Variants in RBFOX1 observed in about 807,000 individuals in gnomAD.
RBFOX1 encodes the protein RNA binding fox-1 homolog 1.
RBFOX1 carries 8 observed loss-of-function variants against 57.7 expected under a neutral mutation model. The ratio of observed to expected loss-of-function variants is 0.14; its 90% CI spans 0.08 to 0.25. The LOEUF (loss-of-function observed/expected upper bound fraction) is 0.25, where lower values mean the gene tolerates loss of function less well. Ranked by LOEUF, RBFOX1 falls within the 10% of genes least tolerant of loss-of-function variation. The pLI is 1.00. For synonymous variants in RBFOX1, 326 were observed against 222.4 expected, an observed-to-expected ratio of 1.47 and a Z score of -4.15; for missense variants, 611 against 548.5, an observed-to-expected ratio of 1.11 and a Z score of -1.14.
chr16:5,740,594 C>T (rs1486015123), intron 3 of RBFOX1, among the ~76,000 whole-genome samples: 1 of 152,130 alleles, frequency 6.6e-6, no homozygotes. Flanking sequence ...ACTGAAATAT[C>T]CAGGAGAAGC....
intron 5 of RBFOX1, among the ~76,000 whole-genome samples, chr16:7,574,263 G>C (rs7205037): frequency 0.42 from 63,661 of 152,000 alleles, 13,721 homozygotes; most frequent in East Asian, 0.53. Flanking sequence ...AGACTTAAGT[G>C]TTCTCTTTGG....
intron 3 of RBFOX1, among the ~76,000 whole-genome samples, chr16:5,785,258 A>G (rs767920198): frequency 1.6e-4 from 25 of 152,172 alleles, no homozygotes; most frequent in Non-Finnish European, 2.8e-4. Flanking sequence ...TTCAACCTCA[A>G]CTAAGGAACT....
chr16:5,465,067 G>A (rs1253776973), intron 1 of RBFOX1, among the ~76,000 whole-genome samples: 1 of 152,166 alleles, frequency 6.6e-6, no homozygotes, highest in Non-Finnish European at 1.5e-5. Flanking sequence ...ATATCTGCCT[G>A]GGTGTGTGTG....
At chr16:6,274,410 C>T (rs1403093668) in intron 1 of RBFOX1, among the ~76,000 whole-genome samples, 3 of 152,148 alleles carry the variant, frequency 2.0e-5, no homozygotes, top group African/African-American at 7.2e-5. Flanking sequence ...AACAGCCCAA[C>T]AGCCTGAATG....
intron 6 of RBFOX1, among the ~76,000 whole-genome samples, chr16:7,583,381 C>T (rs759833515): frequency 6.6e-5 from 10 of 152,144 alleles, no homozygotes; most frequent in Non-Finnish European, 1.5e-4. Flanking sequence ...CATGCATGAG[C>T]ATGCATTTTC....
In RBFOX1 at chr16:5,946,185, G is replaced by A. The variant is rs2059396575; in HGVS notation, c.351+78850G>A. Among the ~76,000 whole-genome samples the A allele has an allele frequency of 1.3e-5, 2 of 152,174 alleles. No individual in the cohort carries two copies. The highest frequency in any genetic ancestry group is 2.4e-5 in the African/African-American group (1 of 41,424). On this transcript the variant is annotated intron_variant, in intron 4 of 19. Coordinates refer to the RBFOX1 transcript ENST00000641259. This position sits in a 1 kb window ranked among gnomAD's most constrained non-coding sequence, Gnocchi z 4.6. ...GGATGTGATGGAAAGTGCACAGACG[G>A]CCCGAGGTGGGGGCCAGGCTCTGCC...
intron 3 of RBFOX1, among the ~76,000 whole-genome samples, chr16:5,849,021 C>G (rs2056825677): frequency 6.6e-6 from 1 of 151,618 alleles, no homozygotes; most frequent in Non-Finnish European, 1.5e-5. Context: ...AGGACAGGAG[C>G]TCCAGATAGA....
At position 5,641,109 on chromosome 16, in the gene RBFOX1, TAC is replaced by T. The variant is rs369940895; in HGVS notation, c.318+42156_318+42157del. ...CATGCACACCATGCATACACATGCATACACACACATGCATACACACATGCACA... is the reference window on the plus strand; with the variant it reads ...CATGCACACCATGCATACACATGCATACACACATGCATACACACATGCACA... On this transcript the variant is annotated intron_variant, in intron 3 of 19. Transcript: ENST00000641259. 6.1e-3 allele frequency among the ~76,000 whole-genome samples: 894 copies of T among 146,362 alleles called. 9 individuals are homozygous for T. Among genetic ancestry groups the T allele is most frequent in the African/African-American group, 0.021 (838 of 39,162 alleles).
At chr16:5,736,283 C>A (rs1350699539) in intron 3 of RBFOX1, among the ~76,000 whole-genome samples, 1 of 152,132 alleles carries the variant, frequency 6.6e-6, no homozygotes, top group Admixed American at 6.5e-5. Flanking sequence ...GGGTATAGGG[C>A]TTTAGAATTC....
chr16:5,429,363 C>A (rs1006591247), intron 1 of RBFOX1, among the ~76,000 whole-genome samples: 1 of 152,210 alleles, frequency 6.6e-6, no homozygotes, highest in Non-Finnish European at 1.5e-5. Flanking sequence ...ATAAACTCTC[C>A]CAGCCGTCAG....
At chr16:7,345,473 T>C (rs2096980364) in intron 4 of RBFOX1, among the ~76,000 whole-genome samples, 1 of 152,206 alleles carries the variant, frequency 6.6e-6, no homozygotes, top group East Asian at 1.9e-4. Context: ...TGGGTTTTGT[T>C]TCACACCTGG....
Position 6,822,672 on chromosome 16 carries a change from C to G in RBFOX1, c.-16+168022C>G, listed in dbSNP as rs112273556. Among the ~76,000 whole-genome samples the G allele has an allele frequency of 5.6e-4, 85 of 152,306 alleles. No homozygotes were observed. The Middle Eastern group carries it at 0.017, about 30-fold the overall frequency. On this transcript the variant is annotated intron_variant, in intron 3 of 15. Transcript: ENST00000550418. Reference sequence around the variant, plus strand: ...ACAACCCCATGCTAATTCACTTTTACACGCTATGGTGTGTTTTTAAAGATC... The same window carrying G: ...ACAACCCCATGCTAATTCACTTTTAGACGCTATGGTGTGTTTTTAAAGATC...
intron 2 of RBFOX1, among the ~76,000 whole-genome samples, chr16:6,421,921 C>CTTTTT (rs35479646): frequency 6.0e-5 from 6 of 99,808 alleles, no homozygotes; most frequent in Admixed American, 1.2e-4. Flanking sequence ...GGGACCAGAC[C>CTTTTT]TTTTTTTTTT....
intron 3 of RBFOX1, among the ~76,000 whole-genome samples, chr16:5,857,469 G>A (rs758134695): frequency 2.4e-4 from 37 of 152,094 alleles, no homozygotes; most frequent in Admixed American, 2.6e-4. Flanking sequence ...AGCTTTAATT[G>A]ATTAAAGAGC....
intron 3 of RBFOX1, among the ~76,000 whole-genome samples, chr16:6,811,339 T>G (rs940379124): frequency 6.6e-6 from 1 of 152,216 alleles, no homozygotes; most frequent in Non-Finnish European, 1.5e-5. Flanking sequence ...TGGATAAGAT[T>G]TAAAAATATT....
chr16:7,298,829 T>C (rs1670534595), intron 4 of RBFOX1, among the ~76,000 whole-genome samples: 1 of 152,204 alleles, frequency 6.6e-6, no homozygotes, highest in Non-Finnish European at 1.5e-5. Flanking sequence ...TCATTTTACA[T>C]GAGGTAGGCT....
chr16:5,557,040 A>G (rs570958507), intron 2 of RBFOX1, among the ~76,000 whole-genome samples: 2 of 152,066 alleles, frequency 1.3e-5, no homozygotes, highest in Non-Finnish European at 2.9e-5. Context: ...CAGGCGGATC[A>G]TGAGGTCAGG....
At chr16:6,894,294 G>C (rs1175258875) in intron 3 of RBFOX1, among the ~76,000 whole-genome samples, 1 of 152,140 alleles carries the variant, frequency 6.6e-6, no homozygotes, top group African/African-American at 2.4e-5. Context: ...TTTCCAAGGG[G>C]TGGTCTGTTG....
chr16:5,621,481 T>G (rs949937290), intron 3 of RBFOX1, among the ~76,000 whole-genome samples: 4 of 152,144 alleles, frequency 2.6e-5, no homozygotes, highest in Non-Finnish European at 4.4e-5. Context: ...CTGTCAGTCA[T>G]TGATGATGGT....
Sources: gnomAD v4.1 joint callset for allele counts (sites outside exome capture counted in the v4.1 genomes callset) on GRCh38, gnomAD v4.1.1 for gene constraint, Gnocchi (gnomAD v3.1) non-coding constraint, MANE v1.5 for transcripts, NCBI Gene and HGNC (gene_info 2026-07-23, HGNC 2026-07-21) for gene names.